ZKSCAN1: variants seen among roughly 807,000 people sequenced by gnomAD.
The protein encoded by ZKSCAN1 is zinc finger with KRAB and SCAN domains 1, also known as zinc finger protein with KRAB and SCAN domains 1.
In ZKSCAN1, 14 loss-of-function variants were observed where a neutral mutation model predicts 51.6. The ratio of observed to expected loss-of-function variants is 0.27; its 90% CI spans 0.18 to 0.42. ZKSCAN1 has a LOEUF of 0.42. Ranked by LOEUF, ZKSCAN1 falls within the 10% of genes least tolerant of loss-of-function variation. ZKSCAN1 has a pLI of 1.00. For missense variants in ZKSCAN1, 531 were observed against 710.0 expected, an observed-to-expected ratio of 0.75 and a Z score of 2.86; for synonymous variants, 263 against 261.5, an observed-to-expected ratio of 1.01 and a Z score of -0.06.
rs1791486773 is a variant in ZKSCAN1 at position 100,039,069 on chromosome 7, T to C, written c.*4872T>C. 6.5e-6 allele frequency: 1 copy of C among 154,984 alleles called. No homozygotes were observed. The highest frequency in any genetic ancestry group is 1.4e-5 in the Non-Finnish European group (1 of 71,516). 9.6% of individuals were successfully genotyped at this position (154,984 alleles called of 1,614,324 possible). ...GCTCACTCCTGTAATCTCAGCACTT[T>C]GGGAGGCAGAGGTGGGCGGATCACT... On this transcript the variant is annotated 3_prime_UTR_variant, in exon 6 of 6. Transcript: ENST00000324306.
chr7:100,029,926 T>C lies in ZKSCAN1; in HGVS notation c.646T>C (p.Ser216Pro). The change falls in exon 4 of 6, where the codon TCT becomes CCT. Residue 216 changes from serine (S) to proline (P), a missense_variant. Ser to Pro is a moderately conservative substitution (Grantham distance 74, BLOSUM62 -1). Around this residue, in one of 2 missense-constraint regions of ZKSCAN1, gnomAD observed 403 missense variants for 490.5 expected, o/e 0.82. Transcript: ENST00000324306. ...EGSPRDQAMASALFTADSQAM... is the reference protein window; with the variant it reads ...EGSPRDQAMAPALFTADSQAM... Reference sequence around the variant, plus strand: ...TAGTCCCAGAGACCAGGCGATGGCATCTGCACTATTCACAGCGGATTCCCA... The same window carrying C: ...TAGTCCCAGAGACCAGGCGATGGCACCTGCACTATTCACAGCGGATTCCCA... 6.2e-7 allele frequency: 1 copy of C among 1,614,172 alleles called. No individual in the cohort carries two copies. Among genetic ancestry groups the C allele is most frequent in the Non-Finnish European group, 8.5e-7 (1 of 1,180,036 alleles).
chr7:100,028,936 G>A (rs1216433762), intron 3 of ZKSCAN1, among the ~76,000 whole-genome samples: 5 of 151,922 alleles, frequency 3.3e-5, no homozygotes, highest in Non-Finnish European at 4.4e-5. Context: ...AGGCCGAGGC[G>A]GGCAGATCAC....
chr7:100,041,197 G>A lies in ZKSCAN1; in HGVS notation c.*7000G>A, dbSNP rs1791579540. 2 of 743,064 alleles carry A rather than the reference G, an allele frequency of 2.7e-6. No individual in the cohort carries two copies. The highest frequency in any genetic ancestry group is 3.3e-6 in the Non-Finnish European group (2 of 608,816). 46.0% of individuals were successfully genotyped at this position (743,064 alleles called of 1,614,324 possible). On this transcript the variant is annotated 3_prime_UTR_variant, in exon 6 of 6. Coordinates refer to ENST00000324306, the MANE Select transcript of ZKSCAN1 (RefSeq NM_003439.4). Reference sequence around the variant, plus strand: ...CAGCTTCTTCGTTTAGAATAAATTAGACCAAAAGAAGAAACGTGCTTGTCT... The same window carrying A: ...CAGCTTCTTCGTTTAGAATAAATTAAACCAAAAGAAGAAACGTGCTTGTCT...
Position 100,033,349 on chromosome 7 carries a change from G to A in ZKSCAN1, c.844G>A (p.Glu282Lys). 1.2e-6 allele frequency: 2 copies of A among 1,613,660 alleles called. No individual in the cohort carries two copies. The highest frequency in any genetic ancestry group is 1.7e-6 in the Non-Finnish European group (2 of 1,179,950). ...GAACGAGGAGTCAACCTCAAAGGCTGAAACCTCGGAAGATTCAGCATCACG... is the reference window on the plus strand; with the variant it reads ...GAACGAGGAGTCAACCTCAAAGGCTAAAACCTCGGAAGATTCAGCATCACG... The part of the protein sequence containing the change: ...NENEESTSKA[E>K]TSEDSASRGE... Residue 282 changes from glutamate to lysine, a missense_variant, in exon 6 of 6, where the codon GAA (glutamate) becomes AAA (lysine). Glu to Lys is a moderately conservative substitution (Grantham distance 56, BLOSUM62 1). Around this residue, in one of 2 missense-constraint regions of ZKSCAN1, gnomAD observed 403 missense variants for 490.5 expected, o/e 0.82. Coordinates refer to ENST00000324306, the MANE Select transcript of ZKSCAN1 (RefSeq NM_003439.4). This position sits in a 1 kb window ranked among gnomAD's most constrained non-coding sequence, Gnocchi z 4.1.
intron 1 of ZKSCAN1, 143 bp downstream of exon 1, chr7:100,015,869 G>A (rs1790337382): frequency 1.3e-5 from 2 of 152,278 alleles, no homozygotes; most frequent in Non-Finnish European, 2.9e-5. Context: ...CCTGCCTCCT[G>A]GCCGGGCCCG....
Position 100,041,490 on chromosome 7 carries a change from T to C in ZKSCAN1, c.*7293T>C. On this transcript the variant is annotated 3_prime_UTR_variant, in exon 6 of 6. Coordinates refer to ENST00000324306, the MANE Select transcript of ZKSCAN1 (RefSeq NM_003439.4). ...CCTCGAATGAGGGCTAAAGTTTTAA[T>C]CATAAGAGAAAAGGCAGCATAATGA... 1.0e-6 allele frequency: 1 copy of C among 985,416 alleles called. No homozygotes were observed. The highest frequency in any genetic ancestry group is 1.2e-6 in the Non-Finnish European group (1 of 829,932). The allele number at this position is 985,416 out of a possible 1,614,324, so 61.0% of individuals were successfully genotyped here.
At position 100,040,447 on chromosome 7, in the gene ZKSCAN1, A is replaced by G. The variant is rs1184984724; in HGVS notation, c.*6250A>G. On this transcript the variant is annotated 3_prime_UTR_variant, in exon 6 of 6. Transcript: ENST00000324306. ...ATGGAATTTTCTCCCTTCAGCAAGC[A>G]CTCATTAAGGAGTGAGGCTGAGTAT... The G allele has an allele frequency of 2.0e-6, 2 of 985,296 alleles. No homozygotes were observed. Among genetic ancestry groups the G allele is most frequent in the Non-Finnish European group, 2.4e-6 (2 of 829,944 alleles). 61.0% of individuals were successfully genotyped at this position (985,296 alleles called of 1,614,324 possible).
chr7:100,030,165 A>G lies in ZKSCAN1; in HGVS notation c.673-84A>G. The G allele has an allele frequency of 1.9e-6, 3 of 1,558,690 alleles. No homozygotes were observed. The South Asian group carries it at 3.6e-5, about 19-fold the overall frequency. On this transcript the variant is annotated intron_variant, in intron 4 of 5. Coordinates refer to ENST00000324306, the MANE Select transcript of ZKSCAN1 (RefSeq NM_003439.4). The stretch of plus-strand genomic sequence containing the variant: ...CCCAGCGTCCTGTAGCTTTGCAGCC[A>G]CCTCTCTTCCTGACTCCAGGTTTGA...
downstream of ZKSCAN1, chr7:100,044,742 C>T: frequency 1.0e-6 from 1 of 967,940 alleles, no homozygotes; most frequent in Non-Finnish European, 1.2e-6. Flanking sequence ...AGTTTAACTC[C>T]ACCATTCCAC....
chr7:100,029,621 TTAAAA>T (rs762568274), intron 3 of ZKSCAN1, among the ~76,000 whole-genome samples: 4 of 152,168 alleles, frequency 2.6e-5, no homozygotes, highest in Non-Finnish European at 5.9e-5. Context: ...TTCCCCTTCT[TTAAAA>T]TAAAAGGGTT....
At chr7:100,044,284 A>G (rs944536384), downstream of ZKSCAN1, among the ~76,000 whole-genome samples, 1 of 151,922 alleles carries the variant, frequency 6.6e-6, no homozygotes. Context: ...GCTGAGCCCA[A>G]TCTCTCTCCC....
chr7:100,021,116 C>CTTTTTTT (rs60632908), intron 1 of ZKSCAN1, among the ~76,000 whole-genome samples: 84 of 85,314 alleles, frequency 9.8e-4, no homozygotes, highest in Non-Finnish European at 1.3e-3. Context: ...TTTTTTTTTC[C>CTTTTTTT]TTTTTTTTTT....
rs2115955060 is a variant in ZKSCAN1, at chr7:100,035,607, G to A, written c.*1410G>A. Reference sequence around the variant, plus strand: ...GAGTGTTTTTTCCCACGCTTTTCCAGTAACTTTGCAAAAGCATTAATTGTT... The same window carrying A: ...GAGTGTTTTTTCCCACGCTTTTCCAATAACTTTGCAAAAGCATTAATTGTT... On this transcript the variant is annotated 3_prime_UTR_variant, in exon 6 of 6. Transcript: ENST00000324306. The A allele has an allele frequency of 6.4e-6, 1 of 155,482 alleles. No individual in the cohort carries two copies. Among genetic ancestry groups the A allele is most frequent in the Admixed American group, 6.5e-5 (1 of 15,304 alleles). The allele number at this position is 155,482 out of a possible 1,614,324, so 9.6% of individuals were successfully genotyped here.
rs961266683 is a variant in ZKSCAN1, at chr7:100,039,368, T to C, written c.*5171T>C. ...AATTGGGGATAGGAGAACAGCAAGG[T>C]GGGCATTTCCCGGAATTGTGTGCAG... On this transcript the variant is annotated 3_prime_UTR_variant, in exon 6 of 6. Transcript: ENST00000324306. The C allele has an allele frequency of 2.6e-5, 26 of 984,838 alleles. No individual in the cohort carries two copies. The highest frequency in any genetic ancestry group is 2.9e-5 in the Non-Finnish European group (24 of 829,922). The allele number at this position is 984,838 out of a possible 1,614,324, so 61.0% of individuals were successfully genotyped here. A position where few individuals can be genotyped will look rare whatever the true frequency, so the allele number is the denominator to read the frequency against.
At position 100,040,072 on chromosome 7, in the gene ZKSCAN1, GTTTTAC is replaced by G. The variant is rs1791530658; in HGVS notation, c.*5880_*5885del. ...TTATTATCTGAAAATGAAATTATCT[GTTTTAC>G]TTTTCAAAGCTTTGTGAAACAAACT... On this transcript the variant is annotated 3_prime_UTR_variant, in exon 6 of 6. Coordinates refer to ENST00000324306, the MANE Select transcript of ZKSCAN1 (RefSeq NM_003439.4). 3 of 894,224 alleles carry G rather than the reference GTTTTAC, an allele frequency of 3.4e-6. No individual in the cohort carries two copies. The highest frequency in any genetic ancestry group is 4.0e-6 in the Non-Finnish European group (3 of 747,474). The allele number at this position is 894,224 out of a possible 1,614,324, so 55.4% of individuals were successfully genotyped here.
At chr7:100,017,954 T>C (rs747907226) in intron 1 of ZKSCAN1, among the ~76,000 whole-genome samples, 12 of 152,246 alleles carry the variant, frequency 7.9e-5, no homozygotes, top group Non-Finnish European at 1.5e-4. Flanking sequence ...TTTAAGCTTA[T>C]TGAAAAAAAT....
At chr7:100,025,269 T>C (rs1338644629) in intron 3 of ZKSCAN1, among the ~76,000 whole-genome samples, 2 of 142,192 alleles carry the variant, frequency 1.4e-5, no homozygotes, top group African/African-American at 5.2e-5. Flanking sequence ...ATTTAAAATA[T>C]ATAAAAATAA....
chr7:100,039,454 A>G lies in ZKSCAN1; in HGVS notation c.*5257A>G. 2 of 985,418 alleles carry G rather than the reference A, an allele frequency of 2.0e-6. No homozygotes were observed. The highest frequency in any genetic ancestry group is 2.4e-6 in the Non-Finnish European group (2 of 829,936). The allele number at this position is 985,418 out of a possible 1,614,324, so 61.0% of individuals were successfully genotyped here. A position where few individuals can be genotyped will look rare whatever the true frequency, so the allele number is the denominator to read the frequency against. ...GATGAAGCTCGGGAAGCATTTTGCA[A>G]TATTCCCTTTGGCTGTGTTCCTGTG... On this transcript the variant is annotated 3_prime_UTR_variant, in exon 6 of 6. Transcript: ENST00000324306.
intron 1 of ZKSCAN1, among the ~76,000 whole-genome samples, chr7:100,020,529 G>T (rs1412904062): frequency 1.3e-5 from 2 of 152,124 alleles, no homozygotes; most frequent in African/African-American, 4.8e-5. Context: ...AATAAGTATG[G>T]CCTGTAATCC....
Sources: allele counts gnomAD v4.1 joint callset (sites outside exome capture counted in the v4.1 genomes callset), GRCh38; gene constraint gnomAD v4.1.1; regional missense constraint gnomAD v4.1.1; non-coding constraint Gnocchi (gnomAD v3.1); transcripts MANE v1.5; gene names NCBI Gene and HGNC (gene_info 2026-07-23, HGNC 2026-07-21).